Variants in MLLT1 observed in about 807,000 individuals in gnomAD.
MLLT1 encodes protein ENL.
In MLLT1, 11 loss-of-function variants were observed where a neutral mutation model predicts 55.1. The ratio of observed to expected loss-of-function variants is 0.20; its 90% CI spans 0.13 to 0.33. The LOEUF is 0.33. Among genes scored for constraint, MLLT1 ranks in the 10% least tolerant of loss-of-function variants. MLLT1 has a pLI of 1.00. For missense variants in MLLT1, 536 were observed against 760.6 expected (o/e 0.70, Z 3.47); for synonymous variants, 323 against 320.1 (o/e 1.01, Z -0.10).
At position 6,230,323 on chromosome 19, in the gene MLLT1, G is replaced by A. The variant is rs951599769; in HGVS notation, c.420+247C>T. Among the ~76,000 whole-genome samples the A allele has an allele frequency of 1.3e-5, 2 of 152,214 alleles. No homozygotes were observed. Among genetic ancestry groups the A allele is most frequent in the African/African-American group, 4.8e-5 (2 of 41,464 alleles). On this transcript the variant is annotated intron_variant, in intron 4 of 11. Transcript: ENST00000252674. The surrounding 1 kb of genome is among the most constrained non-coding windows in gnomAD (Gnocchi z 9.0). The stretch of plus-strand genomic sequence containing the variant: ...CATCCCTTCCCAGCACTTCCTGCAG[G>A]AAGGTGCTAATTACCCATGGCCACC...
chr19:6,278,797 G>C (rs1218725025), intron 1 of MLLT1, among the ~76,000 whole-genome samples: 2 of 152,198 alleles, frequency 1.3e-5, no homozygotes, highest in African/African-American at 4.8e-5. Context: ...CCTGGTCTCA[G>C]AGCAGAGGGT....
chr19:6,217,659 GT>G (rs1430156441), intron 7 of MLLT1, among the ~76,000 whole-genome samples: 4 of 152,246 alleles, frequency 2.6e-5, no homozygotes, highest in African/African-American at 9.6e-5. Flanking sequence ...CACAGGGAGA[GT>G]TCTGGCCATG....
chr19:6,215,123 G>C (rs1380535329), intron 8 of MLLT1, among the ~76,000 whole-genome samples: 1 of 152,228 alleles, frequency 6.6e-6, no homozygotes, highest in Non-Finnish European at 1.5e-5. Context: ...GCAGACCAGG[G>C]TGTGCAGAAG....
chr19:6,238,031 G>A (rs867101884), intron 3 of MLLT1, among the ~76,000 whole-genome samples: 1 of 152,218 alleles, frequency 6.6e-6, no homozygotes, highest in Non-Finnish European at 1.5e-5. Flanking sequence ...CTTAAGCCCA[G>A]GAGTTCGAGG....
chr19:6,212,078 T>C lies in MLLT1; in HGVS notation c.*964A>G. ...CAAAAGCTCATATTTTTTTCAAAGT[T>C]TGAAGACTTGAATGAAAGAGAGGAA... On this transcript the variant is annotated 3_prime_UTR_variant, in exon 12 of 12. Coordinates refer to ENST00000252674, the MANE Select transcript of MLLT1 (RefSeq NM_005934.4). 1 of 1,066,168 alleles carries C rather than the reference T, an allele frequency of 9.4e-7. No homozygotes were observed. The highest frequency in any genetic ancestry group is 1.1e-6 in the Non-Finnish European group (1 of 879,540). 66.0% of individuals were successfully genotyped at this position (1,066,168 alleles called of 1,614,324 possible).
rs1568275470 is a variant in MLLT1, at chr19:6,218,147, C to T, written c.1111-106G>A. On this transcript the variant is annotated intron_variant, in intron 6 of 11. Transcript: ENST00000252674. ...GCAGCAGCTACGCTGAGTGGGTCTC[C>T]CCCAGACACCCCTAGGGTCCCAAGG... 2.1e-6 allele frequency: 3 copies of T among 1,460,898 alleles called. No homozygotes were observed. In the South Asian group the frequency reaches 4.1e-5, roughly 20 times the overall value. The allele number at this position is 1,460,898 out of a possible 1,614,324, so 90.5% of individuals were successfully genotyped here.
chr19:6,218,870 T>C (rs755918032), intron 6 of MLLT1, among the ~76,000 whole-genome samples: 3 of 152,228 alleles, frequency 2.0e-5, no homozygotes, highest in Non-Finnish European at 2.9e-5. Context: ...CCAGAGGACA[T>C]GGCGGGCCCA....
rs112740825 is a variant in MLLT1 at position 6,210,968 on chromosome 19, A to G, written c.*2074T>C. 3.7e-3 allele frequency: 779 copies of G among 212,288 alleles called. 7 individuals are homozygous for G. The highest frequency in any genetic ancestry group is 0.017 in the African/African-American group (665 of 38,978). 13.2% of individuals were successfully genotyped at this position (212,288 alleles called of 1,614,324 possible). A position where few individuals can be genotyped will look rare whatever the true frequency, so the allele number is the denominator to read the frequency against. On this transcript the variant is annotated 3_prime_UTR_variant, in exon 12 of 12. Coordinates refer to ENST00000252674, the MANE Select transcript of MLLT1 (RefSeq NM_005934.4). The surrounding 1 kb of genome is among the most constrained non-coding windows in gnomAD (Gnocchi z 4.6). ...TCCGGAGGCCTTGGAAACGGCAGGA[A>G]GGGCCAGACGCCACCACCGAGAGCA... is the stretch of plus-strand genomic sequence containing the variant.
rs531041958 is a variant in MLLT1 at position 6,223,173 on chromosome 19, G to A, written c.547-489C>T. 2.0e-5 allele frequency among the ~76,000 whole-genome samples: 3 copies of A among 152,208 alleles called. No individual in the cohort carries two copies. The East Asian group carries it at 5.8e-4, about 29-fold the overall frequency. Reference sequence around the variant, plus strand: ...CAGTGCTTCCTGCTCGGTCACTCACGGGCTTCCTTTCTGAGCCCCGTCGGC... The same window carrying A: ...CAGTGCTTCCTGCTCGGTCACTCACAGGCTTCCTTTCTGAGCCCCGTCGGC... On this transcript the variant is annotated intron_variant, in intron 5 of 11. Coordinates refer to ENST00000252674, the MANE Select transcript of MLLT1 (RefSeq NM_005934.4).
intron 7 of MLLT1, among the ~76,000 whole-genome samples, chr19:6,217,723 C>T (rs2090858913): frequency 6.6e-6 from 1 of 152,210 alleles, no homozygotes. Flanking sequence ...GCACGGGGTG[C>T]ATGCCAACAG....
At chr19:6,234,091 G>A (rs1164084758) in intron 3 of MLLT1, among the ~76,000 whole-genome samples, 1 of 152,270 alleles carries the variant, frequency 6.6e-6, no homozygotes, top group Non-Finnish European at 1.5e-5. Context: ...CTGTGGTGGG[G>A]CTGAAGGATG....
Position 6,235,280 on chromosome 19 carries a change from G to T in MLLT1, c.277-4567C>A, listed in dbSNP as rs2091048998. Among the ~76,000 whole-genome samples the T allele has an allele frequency of 6.6e-6, 1 of 152,218 alleles. No individual in the cohort carries two copies. The highest frequency in any genetic ancestry group is 1.5e-5 in the Non-Finnish European group (1 of 68,034). ...TGCAGAGGATGAACGTGGCTGGGGG[G>T]CATCCTCGTGCAGAAAGCCTGGGGC... On this transcript the variant is annotated intron_variant, in intron 3 of 11. Coordinates refer to ENST00000252674, the MANE Select transcript of MLLT1 (RefSeq NM_005934.4). The surrounding 1 kb of genome is among the most constrained non-coding windows in gnomAD (Gnocchi z 5.5).
chr19:6,228,117 T>C (rs1350768953), intron 4 of MLLT1, among the ~76,000 whole-genome samples: 2 of 152,070 alleles, frequency 1.3e-5, no homozygotes, highest in African/African-American at 4.8e-5. Flanking sequence ...TGTCTGACCA[T>C]GATAGCTCAG....
chr19:6,254,671 G>A (rs1213684555), intron 3 of MLLT1, among the ~76,000 whole-genome samples: 1 of 152,188 alleles, frequency 6.6e-6, no homozygotes, highest in Non-Finnish European at 1.5e-5. Flanking sequence ...TGTGAGTGGA[G>A]AACAGGTTTT....
intron 8 of MLLT1, 128 bp from the exon 9 acceptor site, chr19:6,214,166 A>G: frequency 4.5e-6 from 2 of 442,628 alleles, no homozygotes; most frequent in South Asian, 7.3e-5. Flanking sequence ...AGCTCCATTC[A>G]CCTCTGCGCA....
In MLLT1 at chr19:6,230,853, A is replaced by C; in HGVS notation, c.277-140T>G. 33 of 1,078,058 alleles carry C rather than the reference A, an allele frequency of 3.1e-5. No individual in the cohort carries two copies. Among genetic ancestry groups the C allele is most frequent in the East Asian group, 4.8e-5 (2 of 41,346 alleles). 66.8% of individuals were successfully genotyped at this position (1,078,058 alleles called of 1,614,324 possible). A position where few individuals can be genotyped will look rare whatever the true frequency, so the allele number is the denominator to read the frequency against. ...TCCGATTTGCGCCCACTTCTCTCTC[A>C]GGGCACCTCCTGCCCTGCCCTTATT... On this transcript the variant is annotated intron_variant, in intron 3 of 11. Coordinates refer to ENST00000252674, the MANE Select transcript of MLLT1 (RefSeq NM_005934.4). This position sits in a 1 kb window ranked among gnomAD's most constrained non-coding sequence, Gnocchi z 9.0.
At chr19:6,254,884 G>A (rs1029656350) in intron 3 of MLLT1, among the ~76,000 whole-genome samples, 2 of 147,200 alleles carry the variant, frequency 1.4e-5, no homozygotes, top group Admixed American at 7.0e-5. Flanking sequence ...AGACTTTGAC[G>A]AAAGACATCC....
At chr19:6,236,949 G>A (rs1022626250) in intron 3 of MLLT1, among the ~76,000 whole-genome samples, 5 of 152,234 alleles carry the variant, frequency 3.3e-5, no homozygotes, top group Non-Finnish European at 7.3e-5. Flanking sequence ...GCCAGGTCGC[G>A]AGCAGCTCCC....
At chr19:6,213,672 T>TTGGGCC in intron 10 of MLLT1, 54 bp downstream of exon 10, 1 of 1,075,346 alleles carries the variant, frequency 9.3e-7, no homozygotes, top group Non-Finnish European at 1.4e-6. Flanking sequence ...TGGCTGCAAC[T>TTGGGCC]CCCACCACCC....
Sources: gnomAD v4.1 joint callset for allele counts (sites outside exome capture counted in the v4.1 genomes callset) on GRCh38, gnomAD v4.1.1 for gene constraint, Gnocchi (gnomAD v3.1) non-coding constraint, MANE v1.5 for transcripts, NCBI Gene and HGNC (gene_info 2026-07-23, HGNC 2026-07-21) for gene names.